The following OPCML variants were observed in gnomAD, a reference collection of about 807,000 sequenced individuals.
OPCML encodes the protein opioid binding protein/cell adhesion molecule like, also known as opioid-binding protein/cell adhesion molecule.
Under a neutral mutation model 37.8 loss-of-function variants are expected in OPCML, and 13 were observed. The observed-to-expected ratio is 0.34, with a 90% CI of 0.22 to 0.55. OPCML has a LOEUF of 0.55. Ranked by LOEUF, OPCML falls within the 20% of genes least tolerant of loss-of-function variation. The pLI is 0.91. For synonymous variants in OPCML, 176 were observed against 168.8 expected (o/e 1.04, Z -0.33); for missense variants, 341 against 435.6 (o/e 0.78, Z 1.93).
chr11:133,360,350 G>A (rs1022578500), intron 1 of OPCML: 5 of 152,172 alleles, frequency 3.3e-5, no homozygotes, highest in Admixed American at 2.6e-4. Flanking sequence ...AAGTTCTCAC[G>A]CGAGATTCCA....
intron 2 of OPCML, among the ~76,000 whole-genome samples, chr11:132,801,083 C>A (rs959506889): frequency 5.3e-5 from 8 of 152,160 alleles, no homozygotes; most frequent in Non-Finnish European, 1.2e-4. Flanking sequence ...TTGTATAGGT[C>A]TACTCAAATT....
At chr11:133,284,117 T>C (rs1442151333) in intron 1 of OPCML, among the ~76,000 whole-genome samples, 1 of 152,188 alleles carries the variant, frequency 6.6e-6, no homozygotes, top group Admixed American at 6.5e-5. Context: ...GAATATTTCA[T>C]GTCTTTATGT....
chr11:133,056,309 C>T (rs182621742), intron 1 of OPCML, among the ~76,000 whole-genome samples: 2 of 152,278 alleles, frequency 1.3e-5, no homozygotes, highest in Admixed American at 6.5e-5. Flanking sequence ...GACTGAGAGG[C>T]TCAGTGAACA....
intron 2 of OPCML, among the ~76,000 whole-genome samples, chr11:132,707,700 C>T (rs553622643): frequency 6.6e-6 from 1 of 152,296 alleles, no homozygotes; most frequent in East Asian, 1.9e-4. Flanking sequence ...ATGGGTATTT[C>T]ACTTACATAT....
intron 3 of OPCML, among the ~76,000 whole-genome samples, chr11:132,581,152 C>T (rs146617191): frequency 9.9e-4 from 150 of 152,220 alleles, no homozygotes; most frequent in African/African-American, 3.2e-3. Context: ...AAATGCTGTT[C>T]CCCACACCAA....
rs35710142 is a variant in OPCML, at chr11:133,181,464, T to TA, written c.62-238455dup. Among the ~76,000 whole-genome samples the TA allele has an allele frequency of 1.9e-4, 28 of 145,942 alleles. No individual in the cohort carries two copies. In the South Asian group the frequency reaches 5.0e-3, roughly 26 times the overall value. Reference sequence around the variant, plus strand: ...GCAATTAACTCAGAATAGTGAACTTTAAAAAAAAATTTACAAAGTGGGGGG... The same window carrying TA: ...GCAATTAACTCAGAATAGTGAACTTTAAAAAAAAAATTTACAAAGTGGGGGG... On this transcript the variant is annotated intron_variant, in intron 1 of 7. Transcript: ENST00000524381.
intron 1 of OPCML, among the ~76,000 whole-genome samples, chr11:133,388,173 T>C (rs1945098313): frequency 6.6e-6 from 1 of 152,126 alleles, no homozygotes; most frequent in Non-Finnish European, 1.5e-5. Flanking sequence ...ATAGAAAATG[T>C]CTAATAATAA....
chr11:133,390,388 G>A (rs971990045), intron 1 of OPCML, among the ~76,000 whole-genome samples: 2 of 152,142 alleles, frequency 1.3e-5, no homozygotes, highest in African/African-American at 4.8e-5. Flanking sequence ...GCGTGAACCC[G>A]GGAGGTGGAG....
chr11:132,997,629 A>C (rs1316513445), intron 1 of OPCML, among the ~76,000 whole-genome samples: 1 of 152,198 alleles, frequency 6.6e-6, no homozygotes, highest in African/African-American at 2.4e-5. Context: ...TGGTGGTGGG[A>C]GGATGGAAGG....
chr11:132,743,478 C>G (rs1360408021), intron 2 of OPCML, among the ~76,000 whole-genome samples: 1 of 152,136 alleles, frequency 6.6e-6, no homozygotes, highest in Non-Finnish European at 1.5e-5. Flanking sequence ...AGCAGAAGAT[C>G]TTTTTGCCTG....
At chr11:133,508,300 C>T (rs1200469531) in intron 1 of OPCML, among the ~76,000 whole-genome samples, 3 of 152,208 alleles carry the variant, frequency 2.0e-5, no homozygotes, top group Admixed American at 1.3e-4. Context: ...GGCCTGGGTG[C>T]AGCCCAGGAT....
At chr11:132,888,326 C>T (rs1943501959) in intron 2 of OPCML, among the ~76,000 whole-genome samples, 1 of 152,124 alleles carries the variant, frequency 6.6e-6, no homozygotes, top group Non-Finnish European at 1.5e-5. Context: ...TTAGGTCAGA[C>T]AGAGTGGAAT....
chr11:132,636,981 C>T (rs925415230), intron 3 of OPCML, among the ~76,000 whole-genome samples: 3 of 152,078 alleles, frequency 2.0e-5, no homozygotes, highest in African/African-American at 4.8e-5. Context: ...GCTTTGTTGG[C>T]GAGACTGTTT....
At chr11:132,598,625 CA>C (rs1334246453) in intron 3 of OPCML, among the ~76,000 whole-genome samples, 2 of 152,056 alleles carry the variant, frequency 1.3e-5, no homozygotes, top group East Asian at 3.9e-4. Flanking sequence ...TTTGGTGTGT[CA>C]AAAAATAGAT....
chr11:132,682,401 A>T (rs950401782), intron 2 of OPCML, among the ~76,000 whole-genome samples: 1 of 152,198 alleles, frequency 6.6e-6, no homozygotes, highest in Non-Finnish European at 1.5e-5. Context: ...ATAACATATC[A>T]TCTTTTAAAA....
chr11:133,185,858 T>C (rs755970200), intron 1 of OPCML, among the ~76,000 whole-genome samples: 2 of 152,178 alleles, frequency 1.3e-5, no homozygotes, highest in African/African-American at 2.4e-5. Flanking sequence ...AATACAGGTA[T>C]CTGAATTCTG....
At chr11:132,829,749 T>G (rs1565894361) in intron 2 of OPCML, among the ~76,000 whole-genome samples, 1 of 152,218 alleles carries the variant, frequency 6.6e-6, no homozygotes, top group South Asian at 2.1e-4. Context: ...GCTTTGGTTT[T>G]CTGGTTATAG....
chr11:132,453,817 A>G (rs116044484), intron 4 of OPCML, among the ~76,000 whole-genome samples: 270 of 152,294 alleles, frequency 1.8e-3, no homozygotes, highest in African/African-American at 6.3e-3. Flanking sequence ...GTAGGGACAC[A>G]GCATGGACAG....
chr11:132,917,545 T>C lies in OPCML; in HGVS notation c.146+25381A>G, dbSNP rs560759754. ...GCAATTAATGGAGCTGGGAGACAGA[T>C]GCTTCTTCCTGGGAATTGGGGAAAG... On this transcript the variant is annotated intron_variant, in intron 2 of 7. Coordinates refer to ENST00000524381, the MANE Select transcript of OPCML (RefSeq NM_001012393.5). Among the ~76,000 whole-genome samples, 20 of 152,296 alleles carry C rather than the reference T, an allele frequency of 1.3e-4. No individual in the cohort carries two copies. The East Asian group carries it at 3.3e-3, about 25-fold the overall frequency.
Sources: allele counts gnomAD v4.1 joint callset (sites outside exome capture counted in the v4.1 genomes callset), GRCh38; gene constraint gnomAD v4.1.1; transcripts MANE v1.5; gene names NCBI Gene and HGNC (gene_info 2026-07-23, HGNC 2026-07-21).